Variants in LIX1 observed in about 807,000 individuals in gnomAD.
The protein encoded by LIX1 is limb and CNS expressed 1.
In LIX1, 24 loss-of-function variants were observed where a neutral mutation model predicts 33.4. The observed-to-expected ratio is 0.72, with a 90% CI of 0.52 to 1.01. The LOEUF (loss-of-function observed/expected upper bound fraction) is 1.01, where lower values mean the gene tolerates loss of function less well. LIX1 is among the 50% of genes least tolerant of loss of function. The pLI, the probability that LIX1 is intolerant of heterozygous loss-of-function variation, is 0.00. For missense variants in LIX1, 311 were observed against 339.2 expected, an observed-to-expected ratio of 0.92 and a Z score of 0.65; for synonymous variants, 124 against 124.0, an observed-to-expected ratio of 1.00 and a Z score of 0.00.
intron 2 of LIX1, among the ~76,000 whole-genome samples, chr5:97,109,306 T>G (rs1242836418): frequency 1.3e-5 from 2 of 152,104 alleles, no homozygotes; most frequent in African/African-American, 4.8e-5. Context: ...CAGGCTGGAG[T>G]GCAGTGGTGC....
At chr5:97,095,381 AC>A (rs1561485104) in intron 5 of LIX1, among the ~76,000 whole-genome samples, 1 of 152,144 alleles carries the variant, frequency 6.6e-6, no homozygotes, top group Non-Finnish European at 1.5e-5. Context: ...TATTCATTGA[AC>A]CCTGTTGCCC....
In LIX1 at chr5:97,093,524, G is replaced by GA. The variant is rs1746180372; in HGVS notation, c.*1223_*1224insT. On this transcript the variant is annotated 3_prime_UTR_variant, in exon 6 of 6. Coordinates refer to ENST00000274382, the MANE Select transcript of LIX1 (RefSeq NM_153234.5). Reference sequence around the variant, plus strand: ...AGGCCAGGCATGGTGGCTCACACCTGTAATCTCAGCATTTTGGGAGGTGGA... The same window carrying GA: ...AGGCCAGGCATGGTGGCTCACACCTGATAATCTCAGCATTTTGGGAGGTGGA... 6.8e-6 allele frequency: 1 copy of GA among 147,924 alleles called. No homozygotes were observed. The highest frequency in any genetic ancestry group is 1.5e-5 in the Non-Finnish European group (1 of 67,474). 9.2% of individuals were successfully genotyped at this position (147,924 alleles called of 1,614,324 possible). A position where few individuals can be genotyped will look rare whatever the true frequency, so the allele number is the denominator to read the frequency against.
At chr5:97,132,472 G>A (rs568130944) in intron 1 of LIX1, among the ~76,000 whole-genome samples, 2 of 152,232 alleles carry the variant, frequency 1.3e-5, no homozygotes, top group Non-Finnish European at 2.9e-5. Context: ...TGAGGTTGAG[G>A]GAGGGATGGG....
chr5:97,116,183 C>T lies in LIX1; in HGVS notation c.246+8283G>A, dbSNP rs560187421. Among the ~76,000 whole-genome samples, 14 of 152,304 alleles carry T rather than the reference C, an allele frequency of 9.2e-5. No individual in the cohort carries two copies. In the East Asian group the frequency reaches 9.6e-4, roughly 10 times the overall value. On this transcript the variant is annotated intron_variant, in intron 2 of 5. Coordinates refer to ENST00000274382, the MANE Select transcript of LIX1 (RefSeq NM_153234.5). ...GCCACAAACCAGACCCTGTTGCTAACGGAACCCCTTTCAGTGCTTTAAAAC... is the reference window on the plus strand; with the variant it reads ...GCCACAAACCAGACCCTGTTGCTAATGGAACCCCTTTCAGTGCTTTAAAAC...
chr5:97,100,417 T>C (rs552969691), intron 4 of LIX1, among the ~76,000 whole-genome samples: 2 of 152,226 alleles, frequency 1.3e-5, no homozygotes, highest in Admixed American at 6.5e-5. Flanking sequence ...CTAGGGAAGA[T>C]GACCTCCTTT....
chr5:97,107,212 G>T lies in LIX1; in HGVS notation c.387+148C>A, dbSNP rs6886042. ...TTATGATTTCCAATTTAAGTATTCT[G>T]TTTTCTGAAAATTAACAATTCAGTG... On this transcript the variant is annotated intron_variant, in intron 3 of 5. Coordinates refer to ENST00000274382, the MANE Select transcript of LIX1 (RefSeq NM_153234.5). The T allele has an allele frequency of 3.4e-3, 2,498 of 736,648 alleles. 39 individuals carry two copies. The African/African-American group carries it at 0.039, about 11-fold the overall frequency. The allele number at this position is 736,648 out of a possible 1,614,324, so 45.6% of individuals were successfully genotyped here.
chr5:97,107,804 T>C (rs894028605), intron 2 of LIX1, among the ~76,000 whole-genome samples: 3 of 152,224 alleles, frequency 2.0e-5, no homozygotes, highest in African/African-American at 7.2e-5. Flanking sequence ...ATGGCTATTA[T>C]TGTGTGCTAG....
At chr5:97,139,526 A>C (rs1748241526) in intron 1 of LIX1, among the ~76,000 whole-genome samples, 1 of 152,256 alleles carries the variant, frequency 6.6e-6, no homozygotes, top group Admixed American at 6.5e-5. Context: ...AGGATAGCTC[A>C]GCTTTGGTTG....
intron 1 of LIX1, among the ~76,000 whole-genome samples, chr5:97,134,250 G>T (rs1748125774): frequency 6.6e-6 from 1 of 152,196 alleles, no homozygotes; most frequent in African/African-American, 2.4e-5. Context: ...TTCCTGAGTA[G>T]CTGGAAGTAC....
At position 97,105,186 on chromosome 5, in the gene LIX1, G is replaced by A. The variant is rs758657882; in HGVS notation, c.483+4C>T. On this transcript the variant is annotated splice_donor_region_variant and intron_variant, in intron 4 of 5. Transcript: ENST00000274382. ...AAACAAATATGTGGCAGGCAGGCAG[G>A]TACCTGAAACTCCAGCATAGTCTTC... 5.0e-6 allele frequency: 8 copies of A among 1,612,536 alleles called. No individual in the cohort carries two copies. The Admixed American group carries it at 1.0e-4, about 20-fold the overall frequency.
At chr5:97,133,026 C>T (rs146688047) in intron 1 of LIX1, among the ~76,000 whole-genome samples, 1 of 152,260 alleles carries the variant, frequency 6.6e-6, no homozygotes, top group Non-Finnish European at 1.5e-5. Context: ...TTTATTTTCA[C>T]AGATTGGACA....
At chr5:97,122,119 A>G (rs1747802908) in intron 2 of LIX1, among the ~76,000 whole-genome samples, 1 of 152,100 alleles carries the variant, frequency 6.6e-6, no homozygotes, top group Non-Finnish European at 1.5e-5. Context: ...CAGTCAATTC[A>G]CTTTCATTTA....
chr5:97,139,352 CT>C (rs1748237970), intron 1 of LIX1, among the ~76,000 whole-genome samples: 1 of 152,188 alleles, frequency 6.6e-6, no homozygotes, highest in African/African-American at 2.4e-5. Flanking sequence ...GTATTGTGCT[CT>C]TGTAATATGA....
At chr5:97,104,690 T>C (rs1389877576) in intron 4 of LIX1, among the ~76,000 whole-genome samples, 3 of 152,194 alleles carry the variant, frequency 2.0e-5, no homozygotes, top group Non-Finnish European at 4.4e-5. Flanking sequence ...TTGTCGGCAG[T>C]GGATGAAAAA....
At position 97,098,549 on chromosome 5, in the gene LIX1, G is replaced by C. The variant is rs148326898; in HGVS notation, c.484-1662C>G. Among the ~76,000 whole-genome samples the C allele has an allele frequency of 3.7e-3, 570 of 152,216 alleles. 12 individuals are homozygous for C. Among genetic ancestry groups the C allele is most frequent in the Admixed American group, 0.03 (455 of 15,282 alleles). On this transcript the variant is annotated intron_variant, in intron 4 of 5. Transcript: ENST00000274382. Reference sequence around the variant, plus strand: ...AGGAACTTTCATGTCTTAAAAAATAGTTATGAAAACTTAACATAGACAGAT... The same window carrying C: ...AGGAACTTTCATGTCTTAAAAAATACTTATGAAAACTTAACATAGACAGAT...
intron 1 of LIX1, among the ~76,000 whole-genome samples, chr5:97,134,929 T>C (rs1748140933): frequency 6.6e-6 from 1 of 152,168 alleles, no homozygotes; most frequent in Non-Finnish European, 1.5e-5. Flanking sequence ...GGAGTCTTGC[T>C]TTGTTCCCAG....
chr5:97,106,620 T>C (rs1043197666), intron 3 of LIX1, among the ~76,000 whole-genome samples: 1 of 152,208 alleles, frequency 6.6e-6, no homozygotes, highest in Admixed American at 6.5e-5. Context: ...AGGTGGGGAC[T>C]GAAGGCTTCT....
chr5:97,101,285 C>T (rs1304625856), intron 4 of LIX1, among the ~76,000 whole-genome samples: 2 of 152,064 alleles, frequency 1.3e-5, no homozygotes, highest in East Asian at 1.9e-4. Context: ...CAATTTTGTA[C>T]CCAAGAGAAA....
chr5:97,124,726 G>T, intron 1 of LIX1, 97 bp from the exon 2 acceptor site: 1 of 1,037,642 alleles, frequency 9.6e-7, no homozygotes, highest in Non-Finnish European at 1.4e-6. Context: ...TAGCATGACA[G>T]TTCCAGTTTA....
Sources: gnomAD v4.1 joint callset for allele counts (sites outside exome capture counted in the v4.1 genomes callset) on GRCh38, gnomAD v4.1.1 for gene constraint, MANE v1.5 for transcripts, NCBI Gene and HGNC (gene_info 2026-07-23, HGNC 2026-07-21) for gene names.